The following ITGB6 variants were observed in gnomAD, a reference collection of about 807,000 sequenced individuals.
ITGB6 encodes integrin subunit beta 6, also known as integrin beta-6.
In ITGB6, 80 loss-of-function variants were observed where a neutral mutation model predicts 84.5. The observed-to-expected ratio is 0.95, with a 90% confidence interval of 0.79 to 1.14. The LOEUF (loss-of-function observed/expected upper bound fraction) is 1.14, where lower values mean the gene tolerates loss of function less well. Among genes scored for constraint, ITGB6 ranks in the 50% most tolerant of loss-of-function variants. ITGB6 has a pLI of 0.00. For missense variants in ITGB6, 1,006 were observed against 968.0 expected, an observed-to-expected ratio of 1.04 and a Z score of -0.52; for synonymous variants, 383 against 354.9, an observed-to-expected ratio of 1.08 and a Z score of -0.89.
chr2:160,121,074 A>T (rs924768261), intron 12 of ITGB6, among the ~76,000 whole-genome samples: 3 of 151,982 alleles, frequency 2.0e-5, no homozygotes, highest in Non-Finnish European at 4.4e-5. Flanking sequence ...AATAAAATTT[A>T]AAAAAAAGAA....
At chr2:160,184,701 C>T (rs1367760431) in intron 4 of ITGB6, among the ~76,000 whole-genome samples, 2 of 152,124 alleles carry the variant, frequency 1.3e-5, no homozygotes, top group African/African-American at 4.8e-5. Context: ...GGCCAATATC[C>T]CTGATGAACA....
intron 2 of ITGB6, among the ~76,000 whole-genome samples, chr2:160,197,566 C>T (rs755545864): frequency 2.0e-5 from 3 of 152,316 alleles, no homozygotes; most frequent in African/African-American, 2.4e-5. Context: ...TACTATTTTC[C>T]TTGCCTCTTA....
At chr2:160,181,662 G>A (rs1685677863) in intron 4 of ITGB6, among the ~76,000 whole-genome samples, 1 of 152,232 alleles carries the variant, frequency 6.6e-6, no homozygotes, top group Non-Finnish European at 1.5e-5. Context: ...GCCTCCTCAA[G>A]TGGGTCCCTG....
At chr2:160,140,296 A>C (rs1350256568) in intron 8 of ITGB6, among the ~76,000 whole-genome samples, 3 of 152,198 alleles carry the variant, frequency 2.0e-5, no homozygotes, top group Admixed American at 6.5e-5. Context: ...GAGATAGTAA[A>C]ACAAGGACAG....
Position 160,107,822 on chromosome 2 carries a change from G to A in ITGB6, c.2125C>T (p.Pro709Ser). ...EKDCPKPPNI[P>S]MIMLGVSLAI... ...AGGGAAACCCCTAACATGATCATGG[G>A]AATGTTTGGAGGCTTCGGACAATCT... Residue 709 changes from proline to serine, a missense_variant, in exon 14 of 15, where the codon CCC becomes TCC. Transcript: ENST00000283249. 1.2e-6 allele frequency: 2 copies of A among 1,611,954 alleles called. No individual in the cohort carries two copies. The highest frequency in any genetic ancestry group is 8.5e-7 in the Non-Finnish European group (1 of 1,178,464).
Position 160,117,131 on chromosome 2 carries a change from C to G in ITGB6, c.1982-4932G>C, listed in dbSNP as rs544172744. On this transcript the variant is annotated intron_variant, in intron 12 of 14. Coordinates refer to ENST00000283249, the MANE Select transcript of ITGB6 (RefSeq NM_000888.5). Reference sequence around the variant, plus strand: ...GAGACAGAAAGTTAACAAGGATACCCAGGAATTGAACCCAGCTCTGCACCA... The same window carrying G: ...GAGACAGAAAGTTAACAAGGATACCGAGGAATTGAACCCAGCTCTGCACCA... Among the ~76,000 whole-genome samples, 325 of 151,818 alleles carry G rather than the reference C, an allele frequency of 2.1e-3. 2 individuals carry two copies. Among genetic ancestry groups the G allele is most frequent in the Non-Finnish European group, 3.7e-3 (250 of 67,854 alleles).
chr2:160,112,426 G>A (rs534288875), intron 12 of ITGB6, among the ~76,000 whole-genome samples: 6 of 151,910 alleles, frequency 3.9e-5, no homozygotes, highest in Admixed American at 6.6e-5. Context: ...ACCATCAAAT[G>A]TGCCTATCAA....
chr2:160,195,756 A>G (rs1686311948), intron 3 of ITGB6, 141 bp from the exon 4 acceptor site: 1 of 935,722 alleles, frequency 1.1e-6, no homozygotes, highest in Non-Finnish European at 1.6e-6. Context: ...TGTGTGGTCA[A>G]GATCCTAAAA....
chr2:160,168,670 A>T (rs1300664772), intron 7 of ITGB6, among the ~76,000 whole-genome samples: 3 of 152,170 alleles, frequency 2.0e-5, no homozygotes, highest in African/African-American at 7.2e-5. Flanking sequence ...GCTTCCATTC[A>T]AACACTTGAG....
intron 10 of ITGB6, among the ~76,000 whole-genome samples, chr2:160,133,131 G>C (rs1367593935): frequency 6.6e-6 from 1 of 152,220 alleles, no homozygotes; most frequent in Admixed American, 6.5e-5. Flanking sequence ...ATTGGATAAA[G>C]AGTCAAGACC....
intron 12 of ITGB6, among the ~76,000 whole-genome samples, chr2:160,114,321 C>T (rs1682664828): frequency 6.6e-6 from 1 of 152,180 alleles, no homozygotes; most frequent in South Asian, 2.1e-4. Flanking sequence ...ATAATTTCTT[C>T]TGTTGTTCAT....
chr2:160,175,239 A>G (rs766593983), intron 4 of ITGB6, among the ~76,000 whole-genome samples: 9 of 152,248 alleles, frequency 5.9e-5, no homozygotes, highest in African/African-American at 1.9e-4. Context: ...CAGTTCATCA[A>G]GTTCATCTGC....
At position 160,101,049 on chromosome 2, in the gene ITGB6, T is replaced by C. The variant is rs572600285; in HGVS notation, c.*687A>G. 2.0e-5 allele frequency: 3 copies of C among 152,202 alleles called. No individual in the cohort carries two copies. The highest frequency in any genetic ancestry group is 2.9e-5 in the Non-Finnish European group (2 of 68,018). 9.4% of individuals were successfully genotyped at this position (152,202 alleles called of 1,614,324 possible). A position where few individuals can be genotyped will look rare whatever the true frequency, so the allele number is the denominator to read the frequency against. ...TTTCAGGTAATTTAAAAATAAGCTA[T>C]ATGATAGGGTTGTTATCTTTTTATT... is the stretch of plus-strand genomic sequence containing the variant. On this transcript the variant is annotated 3_prime_UTR_variant, in exon 15 of 15. Coordinates refer to ENST00000283249, the MANE Select transcript of ITGB6 (RefSeq NM_000888.5).
intron 10 of ITGB6, among the ~76,000 whole-genome samples, chr2:160,130,873 A>G (rs1355310772): frequency 2.0e-5 from 3 of 152,218 alleles, no homozygotes; most frequent in African/African-American, 4.8e-5. Flanking sequence ...ATATTATTGC[A>G]TGTAGGAAGT....
intron 4 of ITGB6, among the ~76,000 whole-genome samples, chr2:160,187,789 G>A (rs1281842583): frequency 1.3e-5 from 2 of 152,200 alleles, no homozygotes; most frequent in East Asian, 3.9e-4. Flanking sequence ...AAATAAATCA[G>A]TAGATAATTA....
chr2:160,174,218 A>T (rs151084678), intron 4 of ITGB6, 79 bp from the exon 5 acceptor site: 1 of 1,057,546 alleles, frequency 9.5e-7, no homozygotes, highest in African/African-American at 1.6e-5. Context: ...GCTTAGCAAC[A>T]TTCTCCTAAA....
At chr2:160,164,975 A>G (rs1330486278) in intron 7 of ITGB6, among the ~76,000 whole-genome samples, 2 of 152,190 alleles carry the variant, frequency 1.3e-5, no homozygotes, top group Non-Finnish European at 2.9e-5. Flanking sequence ...TGTTTTCATT[A>G]ATAAGGAAAG....
intron 10 of ITGB6, 88 bp downstream of exon 10, chr2:160,137,346 C>G: frequency 8.0e-7 from 1 of 1,246,880 alleles, no homozygotes; most frequent in Non-Finnish European, 1.1e-6. Context: ...ACCTACTGTG[C>G]CCAGGAAACT....
chr2:160,187,444 C>A (rs1024838417), intron 4 of ITGB6, among the ~76,000 whole-genome samples: 6 of 152,052 alleles, frequency 3.9e-5, no homozygotes, highest in Admixed American at 1.3e-4. Flanking sequence ...CACCTGTTAT[C>A]TAGTTTGAAG....
Sources: gnomAD v4.1 joint callset for allele counts (sites outside exome capture counted in the v4.1 genomes callset) on GRCh38, gnomAD v4.1.1 for gene constraint, MANE v1.5 for transcripts, NCBI Gene and HGNC (gene_info 2026-07-23, HGNC 2026-07-21) for gene names.